Variants in CDKAL1 observed in about 807,000 individuals in gnomAD.
CDKAL1 encodes threonylcarbamoyladenosine tRNA methylthiotransferase.
CDKAL1 carries 32 observed loss-of-function variants against 68.2 expected under a neutral mutation model. The observed-to-expected ratio is 0.47, with a 90% CI of 0.35 to 0.63. The LOEUF is 0.63. Among genes scored for constraint, CDKAL1 ranks in the 30% least tolerant of loss-of-function variants. The probability of loss-of-function intolerance (pLI) is 0.00; values close to 1 mark genes in which losing one functional copy is unlikely to be tolerated. For synonymous variants in CDKAL1, 234 were observed against 244.3 expected, an observed-to-expected ratio of 0.96 and a Z score of 0.39; for missense variants, 606 against 696.7, an observed-to-expected ratio of 0.87 and a Z score of 1.47.
intron 12 of CDKAL1, among the ~76,000 whole-genome samples, chr6:21,096,566 A>G (rs946866951): frequency 5.9e-5 from 9 of 152,224 alleles, no homozygotes; most frequent in Non-Finnish European, 1.2e-4. Flanking sequence ...TATTTTATCC[A>G]GTTGCACAGT....
intron 12 of CDKAL1, among the ~76,000 whole-genome samples, chr6:21,089,594 G>A (rs1181994302): frequency 6.6e-6 from 1 of 152,204 alleles, no homozygotes; most frequent in Non-Finnish European, 1.5e-5. Context: ...TGACATCTAA[G>A]TTAAATGTGA....
chr6:21,221,027 C>T (rs932928572), intron 15 of CDKAL1, among the ~76,000 whole-genome samples: 23 of 151,930 alleles, frequency 1.5e-4, no homozygotes, highest in Middle Eastern at 3.4e-3. Context: ...ATTAGCTGGG[C>T]GTGGTGGCAC....
At chr6:20,681,249 A>G (rs929565235) in intron 5 of CDKAL1, among the ~76,000 whole-genome samples, 3 of 152,196 alleles carry the variant, frequency 2.0e-5, no homozygotes, top group Non-Finnish European at 2.9e-5. Flanking sequence ...TCCTAAGCAT[A>G]AGCTGGAGTC....
At chr6:20,903,478 C>A (rs892195970) in intron 9 of CDKAL1, among the ~76,000 whole-genome samples, 1 of 152,100 alleles carries the variant, frequency 6.6e-6, no homozygotes, top group African/African-American at 2.4e-5. Context: ...TTTAGCTTTG[C>A]TGCTTTCACA....
At chr6:20,886,161 A>G (rs1275721597) in intron 9 of CDKAL1, among the ~76,000 whole-genome samples, 3 of 152,248 alleles carry the variant, frequency 2.0e-5, no homozygotes, top group Non-Finnish European at 4.4e-5. Context: ...AAACATTCTT[A>G]GTCTTTAGTG....
chr6:20,630,007 C>T (rs1432957888), intron 4 of CDKAL1, among the ~76,000 whole-genome samples: 1 of 152,054 alleles, frequency 6.6e-6, no homozygotes, highest in African/African-American at 2.4e-5. Flanking sequence ...GCACCCACCA[C>T]CACACCTGGC....
At chr6:20,614,780 C>T (rs930214504) in intron 4 of CDKAL1, among the ~76,000 whole-genome samples, 1 of 152,022 alleles carries the variant, frequency 6.6e-6, no homozygotes, top group African/African-American at 2.4e-5. Context: ...AAATATTTGA[C>T]TTTTTTTGTT....
At chr6:20,625,083 A>C (rs900900778) in intron 4 of CDKAL1, among the ~76,000 whole-genome samples, 8 of 152,096 alleles carry the variant, frequency 5.3e-5, no homozygotes, top group African/African-American at 1.9e-4. Flanking sequence ...CAGTAAGATA[A>C]AACTCTGAAG....
intron 8 of CDKAL1, among the ~76,000 whole-genome samples, chr6:20,812,796 G>C (rs1024428155): frequency 6.6e-6 from 1 of 152,136 alleles, no homozygotes; most frequent in Non-Finnish European, 1.5e-5. Flanking sequence ...CCTGTTGATA[G>C]ATACCTGGTT....
At chr6:20,945,696 G>A (rs1039006545) in intron 9 of CDKAL1, among the ~76,000 whole-genome samples, 6 of 152,098 alleles carry the variant, frequency 3.9e-5, no homozygotes, top group African/African-American at 1.2e-4. Flanking sequence ...TTTAGACTCC[G>A]TTGGATGGAA....
At chr6:20,919,065 A>G (rs539945995) in intron 9 of CDKAL1, among the ~76,000 whole-genome samples, 3 of 152,316 alleles carry the variant, frequency 2.0e-5, no homozygotes, top group Non-Finnish European at 4.4e-5. Context: ...TAATACATCA[A>G]TAGTCATGTG....
chr6:20,680,752 C>T (rs776685268), intron 5 of CDKAL1, among the ~76,000 whole-genome samples: 9 of 152,172 alleles, frequency 5.9e-5, no homozygotes, highest in Admixed American at 6.5e-5. Context: ...TATAGAAACC[C>T]GGCACGACAG....
At chr6:20,987,104 A>G (rs1371088710) in intron 10 of CDKAL1, among the ~76,000 whole-genome samples, 1 of 152,178 alleles carries the variant, frequency 6.6e-6, no homozygotes, top group Admixed American at 6.5e-5. Flanking sequence ...ACTGACTCAA[A>G]AGGACAAGAA....
At chr6:20,691,668 G>T (rs547603941) in intron 5 of CDKAL1, among the ~76,000 whole-genome samples, 16 of 152,174 alleles carry the variant, frequency 1.1e-4, no homozygotes, top group African/African-American at 3.9e-4. Context: ...AAGGTTTTCA[G>T]TTGTCAATGC....
At chr6:21,086,615 C>T (rs997314473) in intron 12 of CDKAL1, among the ~76,000 whole-genome samples, 4 of 152,102 alleles carry the variant, frequency 2.6e-5, no homozygotes, top group Non-Finnish European at 4.4e-5. Flanking sequence ...GGCACTGAGT[C>T]TTCTCTCTGC....
intron 9 of CDKAL1, among the ~76,000 whole-genome samples, chr6:20,920,390 A>G (rs1168456567): frequency 6.6e-6 from 1 of 152,206 alleles, no homozygotes; most frequent in Non-Finnish European, 1.5e-5. Context: ...TGAGACGAGG[A>G]TAGGGATCAA....
chr6:21,103,300 A>T lies in CDKAL1; in HGVS notation c.1237-5101A>T, dbSNP rs371818216. Among the ~76,000 whole-genome samples the T allele has an allele frequency of 7.9e-5, 12 of 152,296 alleles. No homozygotes were observed. In the East Asian group the frequency reaches 1.4e-3, roughly 17 times the overall value. On this transcript the variant is annotated intron_variant, in intron 12 of 15. Coordinates refer to ENST00000274695, the MANE Select transcript of CDKAL1 (RefSeq NM_017774.3). The stretch of plus-strand genomic sequence containing the variant: ...TTATTACATGCGGGGCCTCTTTCAG[A>T]ACTGAGCTCTGTTGCATATCTTTGA...
intron 13 of CDKAL1, among the ~76,000 whole-genome samples, chr6:21,160,746 AACATACAGGTTTGTT>A (rs1776891298): frequency 1.3e-5 from 2 of 150,168 alleles, no homozygotes; most frequent in South Asian, 4.3e-4. Flanking sequence ...ACGTGTGCAG[AACATACAGGTTTGTT>A]ACATAGGTAT....
chr6:20,833,963 A>G (rs1230463659), intron 8 of CDKAL1, among the ~76,000 whole-genome samples: 1 of 152,212 alleles, frequency 6.6e-6, no homozygotes, highest in African/African-American at 2.4e-5. Context: ...GTGTCAGCAC[A>G]GACTTCCTGA....
Sources: allele counts gnomAD v4.1 joint callset (sites outside exome capture counted in the v4.1 genomes callset), GRCh38; gene constraint gnomAD v4.1.1; transcripts MANE v1.5; gene names NCBI Gene and HGNC (gene_info 2026-07-23, HGNC 2026-07-21).